Variants in MORC1 observed in about 807,000 individuals in gnomAD.
MORC1 encodes MORC family CW-type zinc finger protein 1.
A neutral mutation model predicts 134.9 loss-of-function variants in MORC1; 59 were observed. That is an observed-to-expected ratio of 0.44 (90% CI 0.35 to 0.54). The LOEUF is 0.54. Ranked by LOEUF, MORC1 falls within the 20% of genes least tolerant of loss-of-function variation. The pLI is 0.00. For missense variants in MORC1, 947 were observed against 1,134.5 expected (o/e 0.83, Z 2.37); for synonymous variants, 395 against 391.7 (o/e 1.01, Z -0.10).
chr3:109,081,097 G>C (rs767445247), intron 8 of MORC1, among the ~76,000 whole-genome samples: 7 of 152,060 alleles, frequency 4.6e-5, no homozygotes, highest in Non-Finnish European at 7.4e-5. Context: ...AAGATTCTTA[G>C]AGTAAATTAT....
chr3:109,073,228 T>C (rs570392719), intron 8 of MORC1, among the ~76,000 whole-genome samples: 4 of 152,218 alleles, frequency 2.6e-5, no homozygotes, highest in Non-Finnish European at 5.9e-5. Context: ...CCATGTGCCA[T>C]GCATCATGGG....
chr3:109,069,508 A>T, intron 9 of MORC1, 124 bp downstream of exon 9: 2 of 977,504 alleles, frequency 2.0e-6, no homozygotes, highest in Non-Finnish European at 1.4e-6. Context: ...GATGTGGTTT[A>T]AATTTTGTTT....
chr3:109,072,684 T>A (rs1482676506), intron 8 of MORC1, among the ~76,000 whole-genome samples: 2 of 152,096 alleles, frequency 1.3e-5, no homozygotes, highest in African/African-American at 2.4e-5. Context: ...GAAAGGGAGA[T>A]AAAAACATGC....
chr3:108,967,398 G>A (rs1170555907), intron 26 of MORC1, among the ~76,000 whole-genome samples: 2 of 152,134 alleles, frequency 1.3e-5, no homozygotes, highest in Non-Finnish European at 2.9e-5. Context: ...TAAGTGGAGA[G>A]CTACAGGAAG....
chr3:108,982,811 G>C (rs984965726), intron 23 of MORC1, among the ~76,000 whole-genome samples: 1 of 150,792 alleles, frequency 6.6e-6, no homozygotes, highest in African/African-American at 2.4e-5. Context: ...AGCCCAAAAA[G>C]TCGTTAAGGC....
At chr3:109,017,403 A>G (rs1175626849) in intron 17 of MORC1, among the ~76,000 whole-genome samples, 2 of 152,234 alleles carry the variant, frequency 1.3e-5, no homozygotes, top group Non-Finnish European at 2.9e-5. Flanking sequence ...AGCGATATAC[A>G]TAAAATTAGT....
chr3:109,109,704 G>C (rs1178887986), intron 3 of MORC1: 2 of 152,236 alleles, frequency 1.3e-5, no homozygotes, highest in Non-Finnish European at 2.9e-5. Context: ...CTCACCTACT[G>C]GTCACTTAGG....
chr3:109,059,915 T>C (rs1950041782), intron 11 of MORC1, 45 bp from the exon 12 acceptor site: 1 of 1,527,954 alleles, frequency 6.5e-7, no homozygotes, highest in Non-Finnish European at 9.0e-7. Flanking sequence ...GCCACTGAAT[T>C]AACAAAAAGC....
At chr3:108,976,388 T>G (rs1947560715) in intron 24 of MORC1, among the ~76,000 whole-genome samples, 1 of 152,194 alleles carries the variant, frequency 6.6e-6, no homozygotes, top group Admixed American at 6.5e-5. Context: ...CCCTTTACAT[T>G]GTACACAGCT....
chr3:109,040,432 GAAAGAAAGAAAGAAA>G lies in MORC1; in HGVS notation c.1331-4979_1331-4965del, dbSNP rs1559912664. 2.0e-4 allele frequency among the ~76,000 whole-genome samples: 18 copies of G among 90,880 alleles called. 1 individual carries two copies. In the South Asian group the frequency reaches 5.3e-3, roughly 27 times the overall value. 59.6% of individuals were successfully genotyped at this position (90,880 alleles called of 152,430 possible). The stretch of plus-strand genomic sequence containing the variant: ...GGAAGGAAGGAAGGAAGGAAGGAAA[GAAAGAAAGAAAGAAA>G]GAAAGAAAGAAAGAAAGAAAGAAAG... On this transcript the variant is annotated intron_variant, in intron 14 of 27. Coordinates refer to ENST00000232603, the MANE Select transcript of MORC1 (RefSeq NM_014429.4).
At chr3:109,040,520 A>G (rs994547623) in intron 14 of MORC1, among the ~76,000 whole-genome samples, 2 of 150,226 alleles carry the variant, frequency 1.3e-5, no homozygotes, top group African/African-American at 4.9e-5. Flanking sequence ...GGAAGAAAGA[A>G]ACAAAGAAAT....
intron 17 of MORC1, among the ~76,000 whole-genome samples, chr3:109,021,004 A>G (rs1948944863): frequency 6.6e-6 from 1 of 152,158 alleles, no homozygotes; most frequent in South Asian, 2.1e-4. Context: ...GGTCAAGCAA[A>G]TTGAAAAACA....
chr3:109,002,516 A>G (rs1948432441), intron 20 of MORC1, among the ~76,000 whole-genome samples: 1 of 152,194 alleles, frequency 6.6e-6, no homozygotes, highest in South Asian at 2.1e-4. Flanking sequence ...AGTATAGAAG[A>G]GCATACACTG....
chr3:109,118,106 C>A lies in MORC1; in HGVS notation c.-47G>T. ...AACTCAAGGGGACAAGGACACCTGA[C>A]CGGCAGCCGTTCGCCTGCGCCCGCG... On this transcript the variant is annotated 5_prime_UTR_variant, in exon 1 of 28. Coordinates refer to ENST00000232603, the MANE Select transcript of MORC1 (RefSeq NM_014429.4). The A allele has an allele frequency of 1.9e-6, 3 of 1,575,668 alleles. No homozygotes were observed. The highest frequency in any genetic ancestry group is 2.6e-6 in the Non-Finnish European group (3 of 1,158,352).
chr3:109,041,972 C>T (rs1385892975), intron 14 of MORC1, among the ~76,000 whole-genome samples: 4 of 151,382 alleles, frequency 2.6e-5, no homozygotes, highest in Non-Finnish European at 5.9e-5. Flanking sequence ...TAAAAGTGAA[C>T]AGAGCCTAAG....
chr3:109,088,722 G>A (rs554142367), intron 8 of MORC1, among the ~76,000 whole-genome samples: 9 of 152,190 alleles, frequency 5.9e-5, no homozygotes, highest in African/African-American at 1.4e-4. Context: ...TATATACCCA[G>A]AATAATATAA....
At chr3:109,110,841 TA>T in intron 2 of MORC1, 58 bp from the exon 3 acceptor site, 6 of 1,293,472 alleles carry the variant, frequency 4.6e-6, no homozygotes, top group Non-Finnish European at 6.5e-6. Flanking sequence ...TTACATAAGG[TA>T]TAACCTATTG....
chr3:108,995,800 A>C (rs1321726330), intron 21 of MORC1, among the ~76,000 whole-genome samples: 1 of 152,198 alleles, frequency 6.6e-6, no homozygotes, highest in Non-Finnish European at 1.5e-5. Flanking sequence ...GGTCTTTTAA[A>C]ATTGATTCAA....
At chr3:109,017,642 A>T (rs2107569577) in intron 17 of MORC1, among the ~76,000 whole-genome samples, 1 of 152,350 alleles carries the variant, frequency 6.6e-6, no homozygotes, top group African/African-American at 2.4e-5. Flanking sequence ...TGAGGAATGC[A>T]TTCTTACATC....
Sources: gnomAD v4.1 joint callset for allele counts (sites outside exome capture counted in the v4.1 genomes callset) on GRCh38, gnomAD v4.1.1 for gene constraint, MANE v1.5 for transcripts, NCBI Gene and HGNC (gene_info 2026-07-23, HGNC 2026-07-21) for gene names.